OCA2: variants seen among roughly 807,000 people sequenced by gnomAD.
OCA2 encodes OCA2 melanosomal transmembrane protein, also known as P protein.
A neutral mutation model predicts 100.2 loss-of-function variants in OCA2; 77 were observed. The observed-to-expected ratio is 0.77, with a 90% CI of 0.64 to 0.93. The LOEUF is 0.93. OCA2 is among the 40% of genes least tolerant of loss of function. OCA2 has a pLI of 0.00. For missense variants in OCA2, 1,062 were observed against 1,089.1 expected (o/e 0.98, Z 0.35); for synonymous variants, 432 against 439.2 (o/e 0.98, Z 0.21).
intron 23 of OCA2, among the ~76,000 whole-genome samples, chr15:27,800,598 A>G (rs1450918679): frequency 1.3e-5 from 2 of 152,212 alleles, no homozygotes; most frequent in African/African-American, 2.4e-5. Context: ...TACAATGAAC[A>G]AATTCCTTGA....
At chr15:27,779,084 A>G (rs540499984) in intron 23 of OCA2, among the ~76,000 whole-genome samples, 2 of 152,354 alleles carry the variant, frequency 1.3e-5, no homozygotes, top group African/African-American at 4.8e-5. Context: ...TTCCTACAAT[A>G]CTTAAAATGT....
At chr15:27,738,753 T>C in the OCA2 span, among the ~76,000 whole-genome samples, 1 of 150,874 alleles carries the variant, frequency 6.6e-6, no homozygotes, top group Non-Finnish European at 1.5e-5. Context: ...CAAACGCAAC[T>C]AACCTACGGA....
intron 9 of OCA2, among the ~76,000 whole-genome samples, chr15:28,005,872 C>A (rs778279889): frequency 7.2e-5 from 11 of 152,162 alleles, no homozygotes; most frequent in African/African-American, 2.7e-4. Context: ...AACATAGAGC[C>A]AGACCCATGG....
intron 7 of OCA2, among the ~76,000 whole-genome samples, chr15:28,017,656 A>T (rs547869563): frequency 1.8e-4 from 27 of 152,304 alleles, no homozygotes; most frequent in African/African-American, 6.5e-4. Flanking sequence ...ACAAGGCAGG[A>T]AAAGGGGAGG....
chr15:28,055,114 T>C (rs1444894737), intron 2 of OCA2, among the ~76,000 whole-genome samples: 1 of 152,216 alleles, frequency 6.6e-6, no homozygotes, highest in Non-Finnish European at 1.5e-5. Context: ...TCCAAATGCG[T>C]GTCCACTTTC....
intron 18 of OCA2, among the ~76,000 whole-genome samples, chr15:27,939,709 G>T (rs549102006): frequency 1.2e-4 from 18 of 152,286 alleles, no homozygotes; most frequent in Non-Finnish European, 1.9e-4. Context: ...CATTAGACAC[G>T]GTCAGGAATC....
At chr15:28,042,465 AAAAATAC>A (rs2043232084) in intron 2 of OCA2, among the ~76,000 whole-genome samples, 2 of 139,212 alleles carry the variant, frequency 1.4e-5, no homozygotes, top group Non-Finnish European at 3.1e-5. Context: ...TATCTCTACT[AAAAATAC>A]AAAAAAAAAA....
chr15:27,989,717 T>C (rs1192257444), intron 10 of OCA2, 51 bp from the exon 11 acceptor site: 2 of 1,551,854 alleles, frequency 1.3e-6, no homozygotes, highest in Admixed American at 1.7e-5. Context: ...GCCATCCCAG[T>C]GATGAGCCTA....
At chr15:27,825,480 G>A (rs567613630) in intron 23 of OCA2, among the ~76,000 whole-genome samples, 9 of 152,188 alleles carry the variant, frequency 5.9e-5, no homozygotes, top group South Asian at 4.1e-4. Context: ...GAAGCGGCCC[G>A]GCTGGGAGTG....
chr15:27,776,977 G>A (rs1008799090), intron 23 of OCA2, among the ~76,000 whole-genome samples: 1 of 151,048 alleles, frequency 6.6e-6, no homozygotes, highest in Non-Finnish European at 1.5e-5. Flanking sequence ...CGTGAGGTGG[G>A]GGGGGGTGGG....
intron 2 of OCA2, among the ~76,000 whole-genome samples, chr15:28,068,353 T>A (rs965904220): frequency 1.3e-5 from 2 of 152,116 alleles, no homozygotes; most frequent in African/African-American, 2.4e-5. Flanking sequence ...AATTATAAAA[T>A]CTAGAGGAAA....
chr15:27,798,428 A>AT (rs1235366614), intron 23 of OCA2, among the ~76,000 whole-genome samples: 1 of 152,168 alleles, frequency 6.6e-6, no homozygotes, highest in Non-Finnish European at 1.5e-5. Flanking sequence ...CTATTTTAAC[A>AT]TTTTTTGTAT....
chr15:27,932,148 G>A (rs2039275832), intron 18 of OCA2, among the ~76,000 whole-genome samples: 1 of 152,234 alleles, frequency 6.6e-6, no homozygotes, highest in Non-Finnish European at 1.5e-5. Context: ...AATATATGGG[G>A]ACTGAGAGAA....
At chr15:27,730,778 T>G in the OCA2 span, among the ~76,000 whole-genome samples, 4 of 118,710 alleles carry the variant, frequency 3.4e-5, no homozygotes, top group African/African-American at 1.1e-4. Context: ...TATATATATA[T>G]GTTTTTTTTT....
chr15:27,854,638 C>T (rs1217080280), intron 21 of OCA2, among the ~76,000 whole-genome samples: 4 of 152,184 alleles, frequency 2.6e-5, no homozygotes, highest in East Asian at 1.9e-4. Flanking sequence ...TTATGATAAA[C>T]GCGATTATCA....
intron 2 of OCA2, among the ~76,000 whole-genome samples, chr15:28,053,897 C>T (rs2043596505): frequency 6.6e-6 from 1 of 152,154 alleles, no homozygotes; most frequent in Non-Finnish European, 1.5e-5. Flanking sequence ...ACTGCCCCCA[C>T]AGGCAAGTGG....
At chr15:27,850,273 C>T (rs1185345600) in intron 22 of OCA2, among the ~76,000 whole-genome samples, 2 of 152,158 alleles carry the variant, frequency 1.3e-5, no homozygotes, top group East Asian at 3.9e-4. Context: ...CGTTACAGGA[C>T]GTGTCAGTCT....
intron 18 of OCA2, among the ~76,000 whole-genome samples, chr15:27,941,070 G>C (rs1416588092): frequency 6.6e-6 from 1 of 152,152 alleles, no homozygotes; most frequent in Non-Finnish European, 1.5e-5. Context: ...TAATAATTCT[G>C]TAGCTGTGAT....
intron 23 of OCA2, among the ~76,000 whole-genome samples, chr15:27,813,381 C>T (rs533657582): frequency 1.8e-4 from 28 of 152,256 alleles, no homozygotes; most frequent in African/African-American, 6.7e-4. Context: ...TGGCACCCCC[C>T]ATATACACAG....
Sources: gnomAD v4.1 joint callset for allele counts (sites outside exome capture counted in the v4.1 genomes callset) on GRCh38, gnomAD v4.1.1 for gene constraint, MANE v1.5 for transcripts, NCBI Gene and HGNC (gene_info 2026-07-23, HGNC 2026-07-21) for gene names.